Variants in TNK1 observed in about 807,000 individuals in gnomAD.
TNK1 encodes non-receptor tyrosine-protein kinase TNK1.
Under a neutral mutation model 65.2 loss-of-function variants are expected in TNK1, and 53 were observed. The observed-to-expected ratio is 0.81, with a 90% CI of 0.65 to 1.02. The LOEUF (loss-of-function observed/expected upper bound fraction) is 1.02, where lower values mean the gene tolerates loss of function less well. Ranked by LOEUF, TNK1 falls within the 50% of genes least tolerant of loss-of-function variation. The pLI, the probability that TNK1 is intolerant of heterozygous loss-of-function variation, is 0.00. For synonymous variants in TNK1, 353 were observed against 364.6 expected (o/e 0.97, Z 0.36); for missense variants, 837 against 878.4 (o/e 0.95, Z 0.60).
chr17:7,381,950 A>T (rs555695341), intron 1 of TNK1, among the ~76,000 whole-genome samples: 70 of 152,366 alleles, frequency 4.6e-4, no homozygotes, highest in Middle Eastern at 3.4e-3. Flanking sequence ...TTGTGGCCGC[A>T]TGCTGAAATG....
chr17:7,387,533 A>G, intron 10 of TNK1, 76 bp downstream of exon 10: 1 of 1,208,738 alleles, frequency 8.3e-7, no homozygotes, highest in East Asian at 2.6e-5. Flanking sequence ...CCCTAAATCC[A>G]TGCCTTTGCA....
In TNK1 at chr17:7,383,574, T is replaced by C; in HGVS notation, c.384T>C (p.Gly128=). Residue 128 remains glycine (G), a synonymous_variant, in exon 4 of 13, where the codon GGT becomes GGC. Transcript: ENST00000688331. ...RGELLGSGCF[G]VVHRGLWTLP... ...AGCTGCTGGGTTCAGGCTGCTTCGG[T>C]GTGGTGCACCGAGGGCTGTGGACGC... 1 of 1,611,660 alleles carries C rather than the reference T, an allele frequency of 6.2e-7. No individual in the cohort carries two copies. Among genetic ancestry groups the C allele is most frequent in the Non-Finnish European group, 8.5e-7 (1 of 1,178,724 alleles).
In TNK1 at chr17:7,384,713, G is replaced by T. The variant is rs1217361106; in HGVS notation, c.1096G>T (p.Asp366Tyr). 6.3e-7 allele frequency: 1 copy of T among 1,587,192 alleles called. No individual in the cohort carries two copies. The highest frequency in any genetic ancestry group is 1.1e-5 in the South Asian group (1 of 87,240). The change falls in exon 7 of 13, where the codon GAC (aspartate) becomes TAC (tyrosine). Residue 366 changes from aspartate to tyrosine, a missense_variant. Coordinates refer to ENST00000688331, the MANE Select transcript of TNK1 (RefSeq NM_003985.6). ...ALRCWAPHPA[D>Y]RPSFSHLEGL... ...GCGCTGCTGGGCCCCCCACCCTGCC[G>T]ACCGGCCTAGCTTTTCCCACCTGGA...
Position 7,383,827 on chromosome 17 carries a change from G to C in TNK1, c.545G>C (p.Arg182Pro). The C allele has an allele frequency of 6.2e-7, 1 of 1,612,202 alleles. No individual in the cohort carries two copies. Among genetic ancestry groups the C allele is most frequent in the East Asian group, 2.2e-5 (1 of 44,808 alleles). ...AACTTGGAGCACCCACACGTGCTGC[G>C]TCTGCACGGCCTTGTACTGGGCCAG... ...MMNLEHPHVL[R>P]LHGLVLGQPL... Residue 182 changes from arginine (R) to proline (P), a missense_variant, in exon 5 of 13, where the codon CGT becomes CCT. Coordinates refer to ENST00000688331, the MANE Select transcript of TNK1 (RefSeq NM_003985.6).
chr17:7,387,714 C>T (rs952644096), intron 10 of TNK1, among the ~76,000 whole-genome samples: 1 of 151,912 alleles, frequency 6.6e-6, no homozygotes, highest in African/African-American at 2.4e-5. Flanking sequence ...AAGCGATTCT[C>T]CTGCCTCAGC....
chr17:7,381,817 G>T (rs1187837170), intron 1 of TNK1, among the ~76,000 whole-genome samples: 1 of 152,200 alleles, frequency 6.6e-6, no homozygotes, highest in Non-Finnish European at 1.5e-5. Context: ...GTGGACCTTT[G>T]TGTCTTAGCC....
chr17:7,387,603 A>ATTTTT, intron 10 of TNK1, 146 bp downstream of exon 10: 5 of 410,750 alleles, frequency 1.2e-5, no homozygotes, highest in Non-Finnish European at 2.0e-5. Context: ...TGTGCAATCT[A>ATTTTT]TTTTTTTTTT....
chr17:7,385,272 G>A (rs1193212321), intron 7 of TNK1, among the ~76,000 whole-genome samples: 1 of 151,672 alleles, frequency 6.6e-6, no homozygotes, highest in Non-Finnish European at 1.5e-5. Context: ...GGCTGAGGCA[G>A]GAGAATCGCT....
At position 7,388,450 on chromosome 17, in the gene TNK1, C is replaced by G; in HGVS notation, c.1522C>G (p.Pro508Ala). ...LESVLSLGPRPTGGGSSPPEI... is the reference protein window; with the variant it reads ...LESVLSLGPRATGGGSSPPEI... Reference sequence around the variant, plus strand: ...GTCAGTTCTGTCCCTCGGTCCTCGTCCCACAGGGGGTGGTTCAAGCCCCCC... The same window carrying G: ...GTCAGTTCTGTCCCTCGGTCCTCGTGCCACAGGGGGTGGTTCAAGCCCCCC... Residue 508 changes from proline (P) to alanine (A), a missense_variant, in exon 11 of 13, where the codon CCC (proline) becomes GCC (alanine). Physicochemically the swap from Pro to Ala is conservative, Grantham distance 27. Transcript: ENST00000688331. This position sits in a 1 kb window ranked among gnomAD's most constrained non-coding sequence, Gnocchi z 4.5. The G allele has an allele frequency of 6.2e-7, 1 of 1,613,766 alleles. No homozygotes were observed.
Position 7,389,320 on chromosome 17 carries a change from G to T in TNK1, c.*236G>T. On this transcript the variant is annotated 3_prime_UTR_variant, in exon 13 of 13. Coordinates refer to ENST00000688331, the MANE Select transcript of TNK1 (RefSeq NM_003985.6). ...GCTGAAGCTCCTTTGGCTGGGCCAAGAAGGATCTAGTCTGCCCACTACATT... is the reference window on the plus strand; with the variant it reads ...GCTGAAGCTCCTTTGGCTGGGCCAATAAGGATCTAGTCTGCCCACTACATT... The T allele has an allele frequency of 1.7e-6, 1 of 577,500 alleles. No homozygotes were observed. Among genetic ancestry groups the T allele is most frequent in the South Asian group, 2.2e-5 (1 of 45,170 alleles). The allele number at this position is 577,500 out of a possible 1,614,324, so 35.8% of individuals were successfully genotyped here. A position where few individuals can be genotyped will look rare whatever the true frequency, so the allele number is the denominator to read the frequency against.
chr17:7,384,966 T>A lies in TNK1; in HGVS notation c.1137+212T>A, dbSNP rs1182979038. Among the ~76,000 whole-genome samples, 1 of 152,142 alleles carries A rather than the reference T, an allele frequency of 6.6e-6. No individual in the cohort carries two copies. Among genetic ancestry groups the A allele is most frequent in the Non-Finnish European group, 1.5e-5 (1 of 68,006 alleles). On this transcript the variant is annotated intron_variant, in intron 7 of 12. Transcript: ENST00000688331. ...AGATGCAGACTGAAAGGCTGGGGTC[T>A]GTGTCTGGGCCAGGAAAGGGGCATA...
At chr17:7,385,220 C>A (rs1260310270) in intron 7 of TNK1, among the ~76,000 whole-genome samples, 1 of 151,932 alleles carries the variant, frequency 6.6e-6, no homozygotes, top group African/African-American at 2.4e-5. Context: ...ACAAAATTAG[C>A]TGGGTCTGGT....
Position 7,384,848 on chromosome 17 carries a change from G to C in TNK1, c.1137+94G>C, listed in dbSNP as rs546961646. On this transcript the variant is annotated intron_variant, in intron 7 of 12. Coordinates refer to ENST00000688331, the MANE Select transcript of TNK1 (RefSeq NM_003985.6). The stretch of plus-strand genomic sequence containing the variant: ...CGAAGACTAACACATCTAGATGTCT[G>C]TGCTGGGCTCTGGGACTCAGCTCTG... 4.1e-6 allele frequency: 6 copies of C among 1,456,220 alleles called. No individual in the cohort carries two copies. In the African/African-American group the frequency reaches 4.2e-5, roughly 10 times the overall value. 90.2% of individuals were successfully genotyped at this position (1,456,220 alleles called of 1,614,324 possible). A position where few individuals can be genotyped will look rare whatever the true frequency, so the allele number is the denominator to read the frequency against.
At position 7,384,110 on chromosome 17, in the gene TNK1, G is replaced by T; in HGVS notation, c.723G>T (p.Leu241=). The change falls in exon 6 of 13, where the codon CTG becomes CTT. Residue 241 remains leucine (L), a synonymous_variant. Coordinates refer to ENST00000688331, the MANE Select transcript of TNK1 (RefSeq NM_003985.6). ...GAMAYLGARG[L]VHRDLATRNL... is the part of the protein sequence containing the mutation. ...TGGCGTACCTGGGGGCCCGCGGGCT[G>T]GTGCACCGAGACCTCGCTACGCGCA... 6.5e-7 allele frequency: 1 copy of T among 1,547,712 alleles called. No individual in the cohort carries two copies. Among genetic ancestry groups the T allele is most frequent in the Non-Finnish European group, 8.7e-7 (1 of 1,154,496 alleles).
At position 7,386,640 on chromosome 17, in the gene TNK1, C is replaced by G; in HGVS notation, c.1217C>G (p.Thr406Arg). The G allele has an allele frequency of 6.3e-7, 1 of 1,593,096 alleles. No individual in the cohort carries two copies. The highest frequency in any genetic ancestry group is 8.5e-7 in the Non-Finnish European group (1 of 1,169,720). ...AGGATGGAGACTGGTGACCCCATCA[C>G]AGTCATCGAGGGCAGGTGACAGTCC... ...ALRMETGDPI[T>R]VIEGSPDSTI... The change falls in exon 8 of 13, where the codon ACA (threonine) becomes AGA (arginine). Residue 406 changes from threonine to arginine, a missense_variant. Thr to Arg is a moderately conservative substitution (Grantham distance 71). Transcript: ENST00000688331.
At chr17:7,381,868 G>A (rs577767308) in intron 1 of TNK1, among the ~76,000 whole-genome samples, 2 of 152,208 alleles carry the variant, frequency 1.3e-5, no homozygotes, top group South Asian at 4.1e-4. Flanking sequence ...GCAGTGAACT[G>A]CCATGTCCCA....
In TNK1 at chr17:7,389,651, G is replaced by C. The variant is rs1036454976; in HGVS notation, c.*567G>C. The stretch of plus-strand genomic sequence containing the variant: ...TGGATTATGAGATGGACTAGCCCCT[G>C]CCCCAGCCCAGCTCTCACATTCCCC... On this transcript the variant is annotated 3_prime_UTR_variant, in exon 13 of 13. Transcript: ENST00000688331. 6.1e-5 allele frequency: 12 copies of C among 196,700 alleles called. No individual in the cohort carries two copies. Among genetic ancestry groups the C allele is most frequent in the South Asian group, 1.9e-4 (1 of 5,258 alleles). The allele number at this position is 196,700 out of a possible 1,614,324, so 12.2% of individuals were successfully genotyped here. A position where few individuals can be genotyped will look rare whatever the true frequency, so the allele number is the denominator to read the frequency against.
chr17:7,385,185 A>C (rs1905110902), intron 7 of TNK1, among the ~76,000 whole-genome samples: 1 of 151,942 alleles, frequency 6.6e-6, no homozygotes, highest in African/African-American at 2.4e-5. Flanking sequence ...ACCAACATGG[A>C]GAAACCCCGT....
rs1053176197 is a variant in TNK1, at chr17:7,382,048, A to C, written c.-91-788A>C. ...TTTGGGTGGCCGAGGCGGGCGGATC[A>C]CGAGGTCAGGAGTTCAAGACCAGCC... On this transcript the variant is annotated intron_variant, in intron 1 of 12. Transcript: ENST00000688331. The surrounding 1 kb of genome is among the most constrained non-coding windows in gnomAD (Gnocchi z 4.1). Among the ~76,000 whole-genome samples, 106 of 152,306 alleles carry C rather than the reference A, an allele frequency of 7.0e-4. No individual in the cohort carries two copies. Among genetic ancestry groups the C allele is most frequent in the Admixed American group, 2.5e-3 (38 of 15,294 alleles).
Sources: allele counts gnomAD v4.1 joint callset (sites outside exome capture counted in the v4.1 genomes callset), GRCh38; gene constraint gnomAD v4.1.1; non-coding constraint Gnocchi (gnomAD v3.1); transcripts MANE v1.5; gene names NCBI Gene and HGNC (gene_info 2026-07-23, HGNC 2026-07-21).